BCHE: variants seen among roughly 807,000 people sequenced by gnomAD.
BCHE encodes the protein cholinesterase.
BCHE carries 48 observed loss-of-function variants against 51.3 expected under a neutral mutation model. That is an observed-to-expected ratio of 0.94 (90% confidence interval 0.74 to 1.19). BCHE has a LOEUF of 1.19. Ranked by LOEUF, BCHE falls within the 50% of genes most tolerant of loss-of-function variation. The pLI is 0.00. For synonymous variants in BCHE, 251 were observed against 238.0 expected (o/e 1.05, Z -0.50); for missense variants, 847 against 708.2 (o/e 1.20, Z -2.23).
chr3:165,792,134 C>A (rs889771121), intron 2 of BCHE, among the ~76,000 whole-genome samples: 1 of 151,974 alleles, frequency 6.6e-6, no homozygotes, highest in Admixed American at 6.6e-5. Context: ...ACTTAACATG[C>A]ATTTTTTTAT....
intron 2 of BCHE, chr3:165,828,135 A>C: frequency 2.2e-6 from 1 of 447,520 alleles, no homozygotes; most frequent in Non-Finnish European, 4.5e-6. Context: ...AGAAGTCTGA[A>C]GCAATTGCAA....
intron 2 of BCHE, among the ~76,000 whole-genome samples, chr3:165,812,246 A>T (rs1187016057): frequency 6.6e-6 from 1 of 150,700 alleles, no homozygotes; most frequent in Non-Finnish European, 1.5e-5. Flanking sequence ...TTAGACATCA[A>T]TCTATCAATG....
At chr3:165,819,297 C>T (rs1369328078) in intron 2 of BCHE, among the ~76,000 whole-genome samples, 4 of 151,652 alleles carry the variant, frequency 2.6e-5, no homozygotes, top group East Asian at 3.9e-4. Context: ...AGGCAGATCT[C>T]GAACTCCTGA....
chr3:165,816,904 G>C (rs1714333017), intron 2 of BCHE, among the ~76,000 whole-genome samples: 1 of 151,906 alleles, frequency 6.6e-6, no homozygotes, highest in South Asian at 2.1e-4. Context: ...CATACTTTTA[G>C]ATACCAAATT....
chr3:165,800,870 T>C (rs917395888), intron 2 of BCHE, among the ~76,000 whole-genome samples: 1 of 152,146 alleles, frequency 6.6e-6, no homozygotes, highest in African/African-American at 2.4e-5. Flanking sequence ...AGTTTAATGA[T>C]TGGAGATTAA....
intron 2 of BCHE, among the ~76,000 whole-genome samples, chr3:165,786,651 C>T (rs1299602855): frequency 6.6e-6 from 1 of 151,638 alleles, no homozygotes; most frequent in Non-Finnish European, 1.5e-5. Context: ...GTTTCATTAT[C>T]TTCCCTTATC....
At chr3:165,773,750 G>A (rs995764142) in intron 3 of BCHE, among the ~76,000 whole-genome samples, 1 of 151,484 alleles carries the variant, frequency 6.6e-6, no homozygotes, top group East Asian at 1.9e-4. Context: ...CATATAAAAT[G>A]GAAAATGAGT....
chr3:165,800,258 T>C (rs908712478), intron 2 of BCHE, among the ~76,000 whole-genome samples: 1 of 152,126 alleles, frequency 6.6e-6, no homozygotes, highest in Non-Finnish European at 1.5e-5. Context: ...CACAAAGCTA[T>C]TCTAACTTCT....
intron 2 of BCHE, among the ~76,000 whole-genome samples, chr3:165,826,601 T>C (rs79608830): frequency 0.053 from 8,043 of 152,222 alleles, 286 homozygotes; most frequent in Non-Finnish European, 0.079. Flanking sequence ...ATCTTTATGT[T>C]TATTGTGTAT....
At chr3:165,801,832 G>A (rs1044738855) in intron 2 of BCHE, among the ~76,000 whole-genome samples, 5 of 152,124 alleles carry the variant, frequency 3.3e-5, no homozygotes, top group African/African-American at 9.7e-5. Flanking sequence ...TTTGACAAAT[G>A]TATCCGTTTT....
chr3:165,832,826 A>G (rs1715039411), intron 1 of BCHE, among the ~76,000 whole-genome samples: 1 of 152,148 alleles, frequency 6.6e-6, no homozygotes. Flanking sequence ...TCAAAGAAAG[A>G]GAATAAATAA....
intron 1 of BCHE, among the ~76,000 whole-genome samples, chr3:165,834,948 T>G (rs527687679): frequency 5.8e-4 from 88 of 151,934 alleles, no homozygotes; most frequent in African/African-American, 2.1e-3. Context: ...GGGGCACATT[T>G]TCACAAATAC....
chr3:165,773,579 A>G (rs1712343118), intron 3 of BCHE, 73 bp from the exon 4 acceptor site: 1 of 1,378,468 alleles, frequency 7.3e-7, no homozygotes, highest in Non-Finnish European at 1.0e-6. Context: ...AATTTCGAAT[A>G]CAAAAGCCAT....
intron 3 of BCHE, among the ~76,000 whole-genome samples, chr3:165,782,735 C>A (rs1712756644): frequency 6.6e-6 from 1 of 152,094 alleles, no homozygotes; most frequent in Non-Finnish European, 1.5e-5. Flanking sequence ...GGCTTTCCAG[C>A]AGATTATACT....
chr3:165,805,005 T>C (rs1427538200), intron 2 of BCHE, among the ~76,000 whole-genome samples: 1 of 152,120 alleles, frequency 6.6e-6, no homozygotes, highest in East Asian at 1.9e-4. Flanking sequence ...TTTTAGTAGA[T>C]AGAAGGAAAG....
intron 2 of BCHE, among the ~76,000 whole-genome samples, chr3:165,814,113 T>C (rs1396061181): frequency 6.6e-6 from 1 of 152,064 alleles, no homozygotes; most frequent in Non-Finnish European, 1.5e-5. Flanking sequence ...ACTAAGTATA[T>C]AAGATTATTG....
chr3:165,777,944 T>G (rs1478614786), intron 3 of BCHE: 1 of 200,384 alleles, frequency 5.0e-6, no homozygotes, highest in Non-Finnish European at 1.0e-5. Flanking sequence ...ATAAAAATAT[T>G]ATTCATAAAA....
chr3:165,781,353 C>T (rs1001549453), intron 3 of BCHE, among the ~76,000 whole-genome samples: 3 of 151,796 alleles, frequency 2.0e-5, no homozygotes, highest in African/African-American at 7.3e-5. Context: ...CAGTGATAGA[C>T]TGGATAAAGA....
At chr3:165,835,212 A>C (rs1576674219) in intron 1 of BCHE, among the ~76,000 whole-genome samples, 1 of 151,290 alleles carries the variant, frequency 6.6e-6, no homozygotes, top group Non-Finnish European at 1.5e-5. Flanking sequence ...TTGTATTTTT[A>C]ATTCAATTTT....
Sources: gnomAD v4.1 joint callset for allele counts (sites outside exome capture counted in the v4.1 genomes callset) on GRCh38, gnomAD v4.1.1 for gene constraint, MANE v1.5 for transcripts, NCBI Gene and HGNC (gene_info 2026-07-23, HGNC 2026-07-21) for gene names.